The following UHRF2 variants were observed in gnomAD, a reference collection of about 807,000 sequenced individuals.
UHRF2 encodes the protein ubiquitin like with PHD and ring finger domains 2.
UHRF2 carries 23 observed loss-of-function variants against 96.8 expected under a neutral mutation model. The observed-to-expected ratio is 0.24, with a 90% CI of 0.17 to 0.34. The LOEUF is 0.34. UHRF2 is among the 10% of genes least tolerant of loss of function. UHRF2 has a pLI of 1.00. For missense variants in UHRF2, 685 were observed against 981.5 expected (o/e 0.70, Z 4.04); for synonymous variants, 385 against 332.6 (o/e 1.16, Z -1.72).
intron 3 of UHRF2, among the ~76,000 whole-genome samples, chr9:6,452,807 G>T (rs1381661389): frequency 6.6e-6 from 1 of 152,158 alleles, no homozygotes; most frequent in East Asian, 1.9e-4. Context: ...GGACATTTCA[G>T]TTTGGGGTGT....
rs186016035 is a variant in UHRF2 at position 6,437,236 on chromosome 9, A to T, written c.644+3063A>T. On this transcript the variant is annotated intron_variant, in intron 3 of 15. Transcript: ENST00000276893. ...TAGTAATAAGCAGATTTTTTATTTT[A>T]TTATTATTATTTTTTAGACAGAGTC... Among the ~76,000 whole-genome samples, 10 of 152,240 alleles carry T rather than the reference A, an allele frequency of 6.6e-5. 1 individual carries two copies. In the East Asian group the frequency reaches 1.7e-3, roughly 26 times the overall value.
chr9:6,484,267 G>C (rs1824112257), intron 8 of UHRF2, among the ~76,000 whole-genome samples: 1 of 151,778 alleles, frequency 6.6e-6, no homozygotes, highest in Non-Finnish European at 1.5e-5. Flanking sequence ...GTAGAGACAG[G>C]GTCATGCTAT....
chr9:6,482,728 C>T (rs1189133832), intron 8 of UHRF2, among the ~76,000 whole-genome samples: 1 of 151,848 alleles, frequency 6.6e-6, no homozygotes, highest in Non-Finnish European at 1.5e-5. Flanking sequence ...TCCAAAGTAG[C>T]TGGGACTACA....
intron 4 of UHRF2, among the ~76,000 whole-genome samples, chr9:6,464,555 C>CT (rs1440880270): frequency 1.3e-5 from 2 of 151,900 alleles, no homozygotes; most frequent in African/African-American, 4.8e-5. Context: ...TTCTTTAGGT[C>CT]TTTAATTGAC....
chr9:6,445,858 C>G (rs571119372), intron 3 of UHRF2, among the ~76,000 whole-genome samples: 5 of 152,166 alleles, frequency 3.3e-5, no homozygotes, highest in African/African-American at 1.2e-4. Context: ...GCCACTGGTC[C>G]TAGCTCTTTC....
chr9:6,454,100 A>C (rs1263693400), intron 3 of UHRF2, among the ~76,000 whole-genome samples: 1 of 152,194 alleles, frequency 6.6e-6, no homozygotes, highest in Non-Finnish European at 1.5e-5. Context: ...CCACCATATG[A>C]GATACAGTTA....
At chr9:6,439,385 G>C (rs962813806) in intron 3 of UHRF2, among the ~76,000 whole-genome samples, 1 of 152,188 alleles carries the variant, frequency 6.6e-6, no homozygotes, top group African/African-American at 2.4e-5. Context: ...TGTTGGCCAG[G>C]TTGGTCTTGA....
chr9:6,504,224 A>C (rs926728714), intron 14 of UHRF2: 1 of 155,320 alleles, frequency 6.4e-6, no homozygotes, highest in African/African-American at 2.4e-5. Flanking sequence ...ATGGGGTTTC[A>C]CTGTGTTAGC....
At chr9:6,463,271 A>G (rs1173442030) in intron 4 of UHRF2, among the ~76,000 whole-genome samples, 1 of 105,400 alleles carries the variant, frequency 9.5e-6, no homozygotes, top group African/African-American at 3.8e-5. Context: ...ACAAGAGTGA[A>G]ACTTCGTCTC....
chr9:6,482,611 T>TG (rs1823990530), intron 8 of UHRF2, among the ~76,000 whole-genome samples: 1 of 151,842 alleles, frequency 6.6e-6, no homozygotes, highest in Non-Finnish European at 1.5e-5. Context: ...TTTTTTTTTT[T>TG]TTTGAGATGG....
chr9:6,493,815 T>A lies in UHRF2; in HGVS notation c.1498-11T>A, dbSNP rs140591990. The A allele has an allele frequency of 1.9e-6, 3 of 1,601,416 alleles. No individual in the cohort carries two copies. The highest frequency in any genetic ancestry group is 2.7e-5 in the African/African-American group (2 of 74,300). ...TTTAGCTTTCTTAATAAAGAAAATC[T>A]TCTCTGACAGGACCGAGGTGATGAG... On this transcript the variant is annotated splice_polypyrimidine_tract_variant and intron_variant, in intron 9 of 15. Coordinates refer to ENST00000276893, the MANE Select transcript of UHRF2 (RefSeq NM_152896.3).
intron 3 of UHRF2, among the ~76,000 whole-genome samples, chr9:6,459,341 G>T (rs1451514559): frequency 6.6e-6 from 1 of 152,172 alleles, no homozygotes; most frequent in African/African-American, 2.4e-5. Flanking sequence ...CTTGTACAAA[G>T]ATCAGAAAGA....
Position 6,506,760 on chromosome 9 carries a change from A to C in UHRF2, c.*581A>C, listed in dbSNP as rs1306614189. 1 of 152,738 alleles carries C rather than the reference A, an allele frequency of 6.5e-6. No individual in the cohort carries two copies. The highest frequency in any genetic ancestry group is 1.9e-4 in the East Asian group (1 of 5,196). 9.5% of individuals were successfully genotyped at this position (152,738 alleles called of 1,614,324 possible). ...TTCTGGTGTTTTATGCAAGTTGACTACTAATGACTAATGAGAACAATAATG... is the reference window on the plus strand; with the variant it reads ...TTCTGGTGTTTTATGCAAGTTGACTCCTAATGACTAATGAGAACAATAATG... On this transcript the variant is annotated 3_prime_UTR_variant, in exon 16 of 16. Transcript: ENST00000276893.
intron 3 of UHRF2, among the ~76,000 whole-genome samples, chr9:6,456,976 G>A (rs1330609798): frequency 6.6e-6 from 1 of 152,190 alleles, no homozygotes; most frequent in Non-Finnish European, 1.5e-5. Context: ...GCTTAGGATA[G>A]TCTTGGCTAT....
intron 3 of UHRF2, among the ~76,000 whole-genome samples, chr9:6,436,136 C>G (rs568077178): frequency 6.6e-6 from 1 of 152,186 alleles, no homozygotes; most frequent in African/African-American, 2.4e-5. Context: ...TTAACAAGTA[C>G]GAGTTAGAAA....
chr9:6,474,632 G>A (rs1340884583), intron 4 of UHRF2, among the ~76,000 whole-genome samples: 2 of 152,222 alleles, frequency 1.3e-5, no homozygotes, highest in Admixed American at 1.3e-4. Context: ...CCTGAATACA[G>A]GAGGTGGAGA....
At chr9:6,499,106 G>C (rs1218881232) in intron 12 of UHRF2, 2 of 152,210 alleles carry the variant, frequency 1.3e-5, no homozygotes, top group Non-Finnish European at 2.9e-5. Context: ...TCCCTGTTGA[G>C]AGCATTGTTC....
intron 4 of UHRF2, among the ~76,000 whole-genome samples, chr9:6,463,497 G>C (rs1016894197): frequency 1.1e-4 from 16 of 151,444 alleles, no homozygotes; most frequent in Non-Finnish European, 1.5e-5. Context: ...GGGAGATGGG[G>C]TCTCGCTCTG....
chr9:6,441,815 T>G (rs968820334), intron 3 of UHRF2, among the ~76,000 whole-genome samples: 4 of 152,058 alleles, frequency 2.6e-5, no homozygotes, highest in Admixed American at 6.6e-5. Context: ...TCATTCAAGC[T>G]AAATGATCTG....
Sources: allele counts gnomAD v4.1 joint callset (sites outside exome capture counted in the v4.1 genomes callset), GRCh38; gene constraint gnomAD v4.1.1; transcripts MANE v1.5; gene names NCBI Gene and HGNC (gene_info 2026-07-23, HGNC 2026-07-21).